The following DHX57 variants were observed in gnomAD, a reference collection of about 807,000 sequenced individuals.
DHX57 encodes DExH-box helicase 57, also known as putative ATP-dependent RNA helicase DHX57.
Under a neutral mutation model 156.2 loss-of-function variants are expected in DHX57, and 105 were observed. The observed-to-expected ratio is 0.67, with a 90% CI of 0.57 to 0.79. The LOEUF (loss-of-function observed/expected upper bound fraction) is 0.79. DHX57 is among the 30% of genes least tolerant of loss of function. The pLI, the probability that DHX57 is intolerant of heterozygous loss-of-function variation, is 0.00. For missense variants in DHX57, 1,847 were observed against 1,661.9 expected (o/e 1.11, Z -1.94); for synonymous variants, 704 against 595.6 (o/e 1.18, Z -2.65).
chr2:38,824,889 T>C (rs1253581296), intron 16 of DHX57, among the ~76,000 whole-genome samples: 1 of 152,222 alleles, frequency 6.6e-6, no homozygotes, highest in Non-Finnish European at 1.5e-5. Context: ...CCTCAGGTGA[T>C]CTGCCTGCCC....
intron 9 of DHX57, among the ~76,000 whole-genome samples, chr2:38,848,826 C>T (rs933996985): frequency 6.6e-6 from 1 of 152,104 alleles, no homozygotes; most frequent in Non-Finnish European, 1.5e-5. Flanking sequence ...GCAAAGGTGT[C>T]AGGTGTGGAA....
rs752422590 is a variant in DHX57, at chr2:38,862,182, A to T, written c.535T>A (p.Phe179Ile). 6.2e-7 allele frequency: 1 copy of T among 1,611,466 alleles called. No homozygotes were observed. Among genetic ancestry groups the T allele is most frequent in the Non-Finnish European group, 8.5e-7 (1 of 1,178,848 alleles). Residue 179 changes from phenylalanine (F) to isoleucine (I), a missense_variant, in exon 4 of 24, where the codon TTT becomes ATT. By Grantham distance (21) the Phe-to-Ile change is conservative. Transcript: ENST00000457308. ...TGCACTGCAAATGGGGAGACTGTAA[A>T]TTCTGGAACATAAGGCTCCACTGAG... is the stretch of plus-strand genomic sequence containing the variant. ...LASVEPYVPEFTVSPFAVQKL... is the reference protein window; with the variant it reads ...LASVEPYVPEITVSPFAVQKL...
At chr2:38,810,292 G>A in intron 21 of DHX57, 1 of 267,112 alleles carries the variant, frequency 3.7e-6, no homozygotes. Flanking sequence ...GGGGGACCAG[G>A]GAACAAAGCT....
intron 23 of DHX57, among the ~76,000 whole-genome samples, chr2:38,799,367 A>C (rs1572605969): frequency 6.6e-6 from 1 of 150,560 alleles, no homozygotes; most frequent in Non-Finnish European, 1.5e-5. Context: ...ACTCCGTTTC[A>C]AAAAAAAGAA....
intron 21 of DHX57, chr2:38,811,603 A>G: frequency 7.3e-7 from 1 of 1,373,852 alleles, no homozygotes; most frequent in Admixed American, 1.7e-5. Context: ...AGGATGCAGG[A>G]GGTGTCCAGG....
chr2:38,856,490 T>G, intron 6 of DHX57, 29 bp from the exon 7 acceptor site: 2 of 1,563,006 alleles, frequency 1.3e-6, no homozygotes, highest in African/African-American at 2.8e-5. Flanking sequence ...AGATATCAGT[T>G]GGGTTACTTT....
intron 5 of DHX57, among the ~76,000 whole-genome samples, chr2:38,859,817 C>CTTTT (rs200526041): frequency 7.4e-6 from 1 of 135,684 alleles, no homozygotes; most frequent in Non-Finnish European, 1.6e-5. Flanking sequence ...AAAGAGGATC[C>CTTTT]TTTTTTTTTT....
At position 38,815,453 on chromosome 2, in the gene DHX57, G is replaced by C. The variant is rs943398317; in HGVS notation, c.3606+68C>G. The C allele has an allele frequency of 3.8e-6, 6 of 1,592,886 alleles. No individual in the cohort carries two copies. In the African/African-American group the frequency reaches 6.7e-5, roughly 18 times the overall value. ...TAAGTGAAGAAGAATGTCTACAAGTGTTCCCAGGTTAAGATTGTATTTAGG... is the reference window on the plus strand; with the variant it reads ...TAAGTGAAGAAGAATGTCTACAAGTCTTCCCAGGTTAAGATTGTATTTAGG... On this transcript the variant is annotated intron_variant, in intron 20 of 23. Transcript: ENST00000457308.
At position 38,862,280 on chromosome 2, in the gene DHX57, T is replaced by C. The variant is rs757161580; in HGVS notation, c.437A>G (p.Glu146Gly). The C allele has an allele frequency of 6.2e-7, 1 of 1,611,336 alleles. No homozygotes were observed. Among genetic ancestry groups the C allele is most frequent in the Admixed American group, 1.7e-5 (1 of 59,952 alleles). ...TTCCTGTCCAGCTGGCCAGTACCGCTCATCGTTACAGCAATCAGGCTCATC... is the reference window on the plus strand; with the variant it reads ...TTCCTGTCCAGCTGGCCAGTACCGCCCATCGTTACAGCAATCAGGCTCATC... ...EDDEPDCCND[E>G]RYWPAGQEPS... Residue 146 changes from glutamate to glycine, a missense_variant, in exon 4 of 24, where the codon GAG (glutamate) becomes GGG (glycine). By Grantham distance (98) the Glu-to-Gly change is moderately conservative. Transcript: ENST00000457308.
At chr2:38,873,974 T>G (rs1665473013) in intron 1 of DHX57, among the ~76,000 whole-genome samples, 1 of 152,164 alleles carries the variant, frequency 6.6e-6, no homozygotes, top group Non-Finnish European at 1.5e-5. Context: ...AACCCCCATG[T>G]ATACCAAAAT....
chr2:38,823,542 T>C (rs1407394357), intron 16 of DHX57, among the ~76,000 whole-genome samples: 6 of 152,152 alleles, frequency 3.9e-5, no homozygotes, highest in Admixed American at 3.3e-4. Flanking sequence ...CAAAAGATAA[T>C]AAGTGTTGGC....
At chr2:38,870,373 T>C (rs184382405) in intron 1 of DHX57, among the ~76,000 whole-genome samples, 2 of 152,306 alleles carry the variant, frequency 1.3e-5, no homozygotes, top group East Asian at 3.9e-4. Context: ...CTCAATGGCC[T>C]CCAACTATTA....
chr2:38,856,503 C>CTTTTT (rs372510406), intron 6 of DHX57, 42 bp from the exon 7 acceptor site: 19 of 1,392,120 alleles, frequency 1.4e-5, no homozygotes, highest in South Asian at 6.9e-5. Context: ...GTTACTTTTT[C>CTTTTT]TTTTTTTTTT....
In DHX57 at chr2:38,815,672, A is replaced by C. The variant is rs748756693; in HGVS notation, c.3472-17T>G. On this transcript the variant is annotated splice_polypyrimidine_tract_variant and intron_variant, in intron 19 of 23. Coordinates refer to ENST00000457308, the MANE Select transcript of DHX57 (RefSeq NM_198963.3). ...GGCCATTTCCTGAAAGAAGTGGAAA[A>C]ACCTTTAAGCAAGGGCATCAGCATA... The C allele has an allele frequency of 6.2e-7, 1 of 1,614,090 alleles. No homozygotes were observed. The highest frequency in any genetic ancestry group is 8.5e-7 in the Non-Finnish European group (1 of 1,180,006).
intron 21 of DHX57, among the ~76,000 whole-genome samples, chr2:38,807,131 T>C (rs1470529654): frequency 6.6e-6 from 1 of 151,884 alleles, no homozygotes; most frequent in Non-Finnish European, 1.5e-5. Flanking sequence ...CTCGGCTCAC[T>C]GCAACCTCCG....
chr2:38,811,546 T>A (rs1372439501), intron 21 of DHX57: 26 of 1,174,162 alleles, frequency 2.2e-5, no homozygotes, highest in Non-Finnish European at 3.1e-5. Flanking sequence ...TGGCCAACAT[T>A]GGCCAGGTAG....
In DHX57 at chr2:38,861,521, C is replaced by T. The variant is rs1015926294; in HGVS notation, c.889G>A (p.Val297Ile). 1.2e-6 allele frequency: 2 copies of T among 1,614,008 alleles called. No homozygotes were observed. The highest frequency in any genetic ancestry group is 2.2e-5 in the East Asian group (1 of 44,896). ...CAGATTTCAAGTGAATTCTCTTGTA[C>T]ATTTTTGGTACTTTCTTTTGGCTTG... ...KSKPKESTKN[V>I]QENSLEICKF... The change falls in exon 5 of 24, where the codon GTA (valine) becomes ATA (isoleucine). Residue 297 changes from valine (V) to isoleucine (I), a missense_variant. Coordinates refer to ENST00000457308, the MANE Select transcript of DHX57 (RefSeq NM_198963.3).
chr2:38,820,339 C>A (rs1371685403), intron 17 of DHX57, among the ~76,000 whole-genome samples: 1 of 142,104 alleles, frequency 7.0e-6, no homozygotes, highest in Non-Finnish European at 1.5e-5. Context: ...TTTTTTTTTT[C>A]TTCAGATCAC....
At chr2:38,810,823 G>A (rs1159972756) in intron 21 of DHX57, 12 of 744,040 alleles carry the variant, frequency 1.6e-5, no homozygotes, top group African/African-American at 1.2e-4. Flanking sequence ...GGTGCCTGCT[G>A]GGGTCTTGCA....
Sources: allele counts gnomAD v4.1 joint callset (sites outside exome capture counted in the v4.1 genomes callset), GRCh38; gene constraint gnomAD v4.1.1; transcripts MANE v1.5; gene names NCBI Gene and HGNC (gene_info 2026-07-23, HGNC 2026-07-21).